The following SPMIP7 variants were observed in gnomAD, a reference collection of about 807,000 sequenced individuals.
SPMIP7 encodes sperm microtubule inner protein 7, also known as protein SPMIP7.
chr7:50,126,509 G>C, the SPMIP7 span, among the ~76,000 whole-genome samples: 1 of 151,396 alleles, frequency 6.6e-6, no homozygotes, highest in Admixed American at 6.6e-5. Context: ...ATAAAAGAGG[G>C]AGTACTTCTC....
At chr7:50,143,409 C>T in the SPMIP7 span, among the ~76,000 whole-genome samples, 2 of 152,090 alleles carry the variant, frequency 1.3e-5, no homozygotes, top group Non-Finnish European at 2.9e-5. Context: ...TCAAGTGATC[C>T]GCCTGCCTCG....
At chr7:50,136,032 G>C in the SPMIP7 span, 1 of 1,190,310 alleles carries the variant, frequency 8.4e-7, no homozygotes, top group Non-Finnish European at 1.2e-6. Flanking sequence ...CAAGGGGACA[G>C]GAGTTTATCC....
At chr7:50,123,698 C>T in the SPMIP7 span, among the ~76,000 whole-genome samples, 1 of 151,650 alleles carries the variant, frequency 6.6e-6, no homozygotes, top group Non-Finnish European at 1.5e-5. Flanking sequence ...CTAGAGGAGT[C>T]ACTAAAACGC....
At chr7:50,126,212 A>T in the SPMIP7 span, among the ~76,000 whole-genome samples, 1 of 117,098 alleles carries the variant, frequency 8.5e-6, no homozygotes, top group Non-Finnish European at 1.7e-5. Flanking sequence ...GAGAATACAC[A>T]TCATCAATAT....
chr7:50,129,041 A>T, the SPMIP7 span, among the ~76,000 whole-genome samples: 2 of 152,064 alleles, frequency 1.3e-5, no homozygotes, highest in Non-Finnish European at 2.9e-5. Flanking sequence ...GTTACTAAAA[A>T]AATCATCACT....
the SPMIP7 span, among the ~76,000 whole-genome samples, chr7:50,116,808 A>G: frequency 3.3e-5 from 5 of 152,190 alleles, no homozygotes; most frequent in Admixed American, 3.3e-4. Flanking sequence ...AGTAGAGGGG[A>G]AAAATTCAAT....
chr7:50,147,803 A>G, the SPMIP7 span, among the ~76,000 whole-genome samples: 2 of 152,214 alleles, frequency 1.3e-5, no homozygotes, highest in African/African-American at 4.8e-5. Context: ...CAATTAGTGA[A>G]CAAAATCCTG....
chr7:50,109,182 C>A, the SPMIP7 span, among the ~76,000 whole-genome samples: 83 of 152,084 alleles, frequency 5.5e-4, no homozygotes, highest in African/African-American at 1.8e-3. Context: ...AAAGAATAAA[C>A]CATTTTCACT....
the SPMIP7 span, among the ~76,000 whole-genome samples, chr7:50,133,869 C>T: frequency 1.3e-5 from 2 of 152,022 alleles, no homozygotes; most frequent in African/African-American, 2.4e-5. Flanking sequence ...AATTAGGGAC[C>T]TTTACTACAT....
the SPMIP7 span, among the ~76,000 whole-genome samples, chr7:50,131,904 T>C: frequency 6.6e-6 from 1 of 152,260 alleles, no homozygotes; most frequent in Non-Finnish European, 1.5e-5. Flanking sequence ...TGACAACACG[T>C]GTGGACCTCA....
chr7:50,130,340 A>C, the SPMIP7 span, among the ~76,000 whole-genome samples: 1 of 152,072 alleles, frequency 6.6e-6, no homozygotes, highest in African/African-American at 2.4e-5. Context: ...GGAGGAGCAA[A>C]GTTACGTCTT....
At chr7:50,102,613 C>T in the SPMIP7 span, among the ~76,000 whole-genome samples, 1 of 152,114 alleles carries the variant, frequency 6.6e-6, no homozygotes, top group Non-Finnish European at 1.5e-5. Flanking sequence ...ATCCAGCATA[C>T]ACTTGTTCTC....
the SPMIP7 span, among the ~76,000 whole-genome samples, chr7:50,117,809 A>G: frequency 6.6e-6 from 1 of 152,198 alleles, no homozygotes; most frequent in African/African-American, 2.4e-5. Flanking sequence ...AGCTAAAGAC[A>G]TGTCAGTAAA....
chr7:50,130,569 AC>A, the SPMIP7 span, among the ~76,000 whole-genome samples: 1 of 152,198 alleles, frequency 6.6e-6, no homozygotes, highest in African/African-American at 2.4e-5. Flanking sequence ...AGGGAAACAG[AC>A]AATAATAAAC....
chr7:50,113,685 C>T, the SPMIP7 span, among the ~76,000 whole-genome samples: 950 of 151,718 alleles, frequency 6.3e-3, no homozygotes, highest in South Asian at 0.013. Flanking sequence ...TACTGCGGAA[C>T]GGTATCTAGT....
the SPMIP7 span, among the ~76,000 whole-genome samples, chr7:50,156,810 T>C: frequency 1.3e-5 from 2 of 152,108 alleles, no homozygotes; most frequent in Non-Finnish European, 2.9e-5. Flanking sequence ...TGGCCAGTTG[T>C]TTATGAAGAA....
At chr7:50,100,812 AAAAT>A in the SPMIP7 span, among the ~76,000 whole-genome samples, 25,110 of 139,150 alleles carry the variant, frequency 0.18, 2,210 homozygotes, top group South Asian at 0.28. Context: ...ATGCCGTCCA[AAAAT>A]AAATAAATAA....
chr7:50,109,846 C>A, the SPMIP7 span, among the ~76,000 whole-genome samples: 1 of 152,100 alleles, frequency 6.6e-6, no homozygotes, highest in East Asian at 1.9e-4. Flanking sequence ...TGCAATATTA[C>A]TGATAGATAC....
the SPMIP7 span, among the ~76,000 whole-genome samples, chr7:50,119,932 C>T: frequency 1.3e-5 from 2 of 152,172 alleles, no homozygotes; most frequent in African/African-American, 2.4e-5. Flanking sequence ...ATAAATTACT[C>T]GCTGAACCTG....
Sources: allele counts gnomAD v4.1 joint callset (sites outside exome capture counted in the v4.1 genomes callset), GRCh38; gene constraint gnomAD v4.1.1; transcripts MANE v1.5; gene names NCBI Gene and HGNC (gene_info 2026-07-23, HGNC 2026-07-21).